ERBB4: variants seen among roughly 807,000 people sequenced by gnomAD.
ERBB4 encodes the protein receptor tyrosine-protein kinase erbB-4.
Under a neutral mutation model 158.0 loss-of-function variants are expected in ERBB4, and 42 were observed. That is an observed-to-expected ratio of 0.27 (90% CI 0.21 to 0.34). The LOEUF is 0.34. Among genes scored for constraint, ERBB4 ranks in the 10% least tolerant of loss-of-function variants. The pLI, the probability that ERBB4 is intolerant of heterozygous loss-of-function variation, is 1.00. For synonymous variants in ERBB4, 583 were observed against 558.7 expected, an observed-to-expected ratio of 1.04 and a Z score of -0.61; for missense variants, 1,333 against 1,624.1, an observed-to-expected ratio of 0.82 and a Z score of 3.08.
At chr2:211,668,153 A>C (rs1043543920) in intron 14 of ERBB4, among the ~76,000 whole-genome samples, 1 of 152,208 alleles carries the variant, frequency 6.6e-6, no homozygotes, top group African/African-American at 2.4e-5. Flanking sequence ...AACATATCTA[A>C]ATGTAGAAAG....
chr2:211,758,458 C>T (rs1575105132), intron 4 of ERBB4, among the ~76,000 whole-genome samples: 1 of 152,040 alleles, frequency 6.6e-6, no homozygotes, highest in Non-Finnish European at 1.5e-5. Flanking sequence ...ATATTTGTTC[C>T]AAACCAGGCA....
intron 3 of ERBB4, among the ~76,000 whole-genome samples, chr2:211,887,491 C>A (rs2078836139): frequency 6.6e-6 from 1 of 152,140 alleles, no homozygotes; most frequent in Non-Finnish European, 1.5e-5. Context: ...CAACTAGATC[C>A]TAATTACCTC....
At chr2:211,623,725 C>G (rs1003177610) in intron 18 of ERBB4, among the ~76,000 whole-genome samples, 197 bp downstream of exon 18, 10 of 152,086 alleles carry the variant, frequency 6.6e-5, no homozygotes, top group Non-Finnish European at 1.5e-4. Context: ...GCTTTTCTCT[C>G]AAGACTGTAT....
chr2:212,087,388 T>C (rs1001427443), intron 2 of ERBB4, among the ~76,000 whole-genome samples: 1 of 152,152 alleles, frequency 6.6e-6, no homozygotes, highest in East Asian at 1.9e-4. Flanking sequence ...CAATTTATAG[T>C]AACAGTACTA....
rs1163071320 is a variant in ERBB4, at chr2:211,382,971, A to G, written c.*644T>C. 4.3e-6 allele frequency: 1 copy of G among 232,530 alleles called. No individual in the cohort carries two copies. The highest frequency in any genetic ancestry group is 2.2e-5 in the African/African-American group (1 of 45,228). The allele number at this position is 232,530 out of a possible 1,614,324, so 14.4% of individuals were successfully genotyped here. A position where few individuals can be genotyped will look rare whatever the true frequency, so the allele number is the denominator to read the frequency against. ...GGTCAGAGCAAAACAAAATGAAAAAAACCAAAAAGTGTTGAAAACATAATT... is the reference window on the plus strand; with the variant it reads ...GGTCAGAGCAAAACAAAATGAAAAAGACCAAAAAGTGTTGAAAACATAATT... On this transcript the variant is annotated 3_prime_UTR_variant, in exon 28 of 28. Coordinates refer to ENST00000342788, the MANE Select transcript of ERBB4 (RefSeq NM_005235.3).
intron 3 of ERBB4, among the ~76,000 whole-genome samples, chr2:211,902,510 T>C (rs941185103): frequency 6.6e-6 from 1 of 151,986 alleles, no homozygotes; most frequent in Non-Finnish European, 1.5e-5. Context: ...CACATTATTT[T>C]AAACTAAACA....
intron 2 of ERBB4, among the ~76,000 whole-genome samples, chr2:212,054,777 A>G (rs2077503257): frequency 6.6e-6 from 1 of 152,176 alleles, no homozygotes; most frequent in African/African-American, 2.4e-5. Flanking sequence ...AAGGAGAGGA[A>G]GTATTACCTT....
intron 7 of ERBB4, among the ~76,000 whole-genome samples, chr2:211,714,077 A>G (rs2073814996): frequency 6.6e-6 from 1 of 152,246 alleles, no homozygotes; most frequent in African/African-American, 2.4e-5. Context: ...CATCCAGGAG[A>G]AAATGCTCAA....
At chr2:211,563,563 A>G (rs1258075966) in intron 19 of ERBB4, among the ~76,000 whole-genome samples, 1 of 152,196 alleles carries the variant, frequency 6.6e-6, no homozygotes, top group Admixed American at 6.5e-5. Context: ...ATAAAAAAAT[A>G]TATAAAACAT....
intron 1 of ERBB4, among the ~76,000 whole-genome samples, chr2:212,444,932 G>T (rs575050635): frequency 3.5e-4 from 53 of 151,760 alleles, no homozygotes; most frequent in African/African-American, 1.2e-3. Context: ...ATATGGGTTT[G>T]CCTATCTTGC....
chr2:212,084,460 A>G (rs2078541585), intron 2 of ERBB4, among the ~76,000 whole-genome samples: 2 of 152,002 alleles, frequency 1.3e-5, no homozygotes, highest in South Asian at 4.1e-4. Context: ...TCAAATAAAG[A>G]AAATTACAAT....
intron 1 of ERBB4, among the ~76,000 whole-genome samples, chr2:212,164,548 G>A (rs2081292453): frequency 6.6e-6 from 1 of 151,854 alleles, no homozygotes; most frequent in African/African-American, 2.4e-5. Flanking sequence ...AAACAAAAAA[G>A]GGGGGAAGGA....
intron 3 of ERBB4, among the ~76,000 whole-genome samples, chr2:211,859,848 A>G (rs569439758): frequency 6.6e-6 from 1 of 152,324 alleles, no homozygotes; most frequent in East Asian, 1.9e-4. Context: ...ATAAGCAGAA[A>G]TGATTAGCAG....
intron 4 of ERBB4, among the ~76,000 whole-genome samples, chr2:211,787,788 T>G (rs1379296469): frequency 3.3e-5 from 5 of 152,208 alleles, no homozygotes; most frequent in African/African-American, 9.6e-5. Context: ...TAATTTAAAT[T>G]AAGCAAAGAG....
At chr2:212,384,794 C>T (rs1234030825) in intron 1 of ERBB4, among the ~76,000 whole-genome samples, 1 of 150,442 alleles carries the variant, frequency 6.6e-6, no homozygotes, top group Non-Finnish European at 1.5e-5. Context: ...AAGAAAACAT[C>T]TGGCAGTTAA....
chr2:212,143,684 AC>A (rs2080560961), intron 1 of ERBB4, among the ~76,000 whole-genome samples: 1 of 152,236 alleles, frequency 6.6e-6, no homozygotes, highest in East Asian at 1.9e-4. Context: ...AATGGACTCT[AC>A]TACAAGCCTC....
chr2:211,659,967 TAG>T (rs1347384715), intron 15 of ERBB4, among the ~76,000 whole-genome samples: 1 of 152,124 alleles, frequency 6.6e-6, no homozygotes, highest in Non-Finnish European at 1.5e-5. Context: ...AGCTGAAATT[TAG>T]AGTTCTGCAA....
intron 2 of ERBB4, among the ~76,000 whole-genome samples, chr2:212,021,618 C>A (rs1268851827): frequency 1.3e-5 from 2 of 151,978 alleles, no homozygotes; most frequent in Non-Finnish European, 2.9e-5. Context: ...CTATAAAAAC[C>A]CTAGAAGAAA....
At chr2:212,036,947 A>G (rs2077028765) in intron 2 of ERBB4, among the ~76,000 whole-genome samples, 1 of 152,190 alleles carries the variant, frequency 6.6e-6, no homozygotes, top group Non-Finnish European at 1.5e-5. Context: ...GATAGCAGAA[A>G]TGCAGCTAGA....
Sources: allele counts gnomAD v4.1 joint callset (sites outside exome capture counted in the v4.1 genomes callset), GRCh38; gene constraint gnomAD v4.1.1; transcripts MANE v1.5; gene names NCBI Gene and HGNC (gene_info 2026-07-23, HGNC 2026-07-21).